Variants in CCND3 observed in about 807,000 individuals in gnomAD.
CCND3 encodes cyclin D3, also known as G1/S-specific cyclin-D3.
A neutral mutation model predicts 28.7 loss-of-function variants in CCND3; 9 were observed. The observed-to-expected ratio is 0.31, with a 90% CI of 0.19 to 0.55. CCND3 has a LOEUF of 0.55. CCND3 is among the 20% of genes least tolerant of loss of function. CCND3 has a pLI of 0.93. For missense variants in CCND3, 315 were observed against 385.8 expected, an observed-to-expected ratio of 0.82 and a Z score of 1.54; for synonymous variants, 164 against 163.9, an observed-to-expected ratio of 1.00 and a Z score of 0.00.
chr6:41,980,010 T>TCACACACACACA (rs58375638), intron 1 of CCND3, among the ~76,000 whole-genome samples: 2,620 of 137,180 alleles, frequency 0.019, 82 homozygotes, highest in African/African-American at 0.059. Context: ...GCTTTCAAAA[T>TCACACACACACA]CACACACACA....
intron 1 of CCND3, among the ~76,000 whole-genome samples, chr6:41,994,711 C>G (rs4714535): frequency 0.98 from 149,226 of 152,264 alleles, 73,187 homozygotes; most frequent in East Asian, 1. Context: ...GCATGTATGG[C>G]GTAGGAATTA....
chr6:41,956,089 C>T (rs1475716090), intron 1 of CCND3, among the ~76,000 whole-genome samples: 1 of 151,960 alleles, frequency 6.6e-6, no homozygotes, highest in East Asian at 1.9e-4. Context: ...GTCAGGAGTT[C>T]AAGACCAGCC....
At chr6:41,993,668 C>CA (rs1163116404) in intron 1 of CCND3, among the ~76,000 whole-genome samples, 3 of 149,634 alleles carry the variant, frequency 2.0e-5, no homozygotes, top group Non-Finnish European at 3.0e-5. Context: ...CCTCGGCCTC[C>CA]AAAAAAAAAG....
chr6:41,996,123 AAT>A (rs200911314), intron 1 of CCND3, among the ~76,000 whole-genome samples: 1 of 97,006 alleles, frequency 1.0e-5, no homozygotes, highest in African/African-American at 4.9e-5. Context: ...ATATATATAT[AAT>A]ATATATATAT....
chr6:41,990,660 ATTTTTTTTTTTTTTTT>A (rs67939325), intron 1 of CCND3, among the ~76,000 whole-genome samples: 8 of 121,276 alleles, frequency 6.6e-5, no homozygotes, highest in African/African-American at 1.6e-4. Flanking sequence ...TAACCAACTG[ATTTTTTTTTTTTTTTT>A]TTTTTTTTTT....
chr6:42,021,794 A>G lies in CCND3; in HGVS notation c.-46+26707T>C, dbSNP rs116855627. Among the ~76,000 whole-genome samples, 41 of 152,302 alleles carry G rather than the reference A, an allele frequency of 2.7e-4. No individual in the cohort carries two copies. In the East Asian group the frequency reaches 7.5e-3, roughly 28 times the overall value. On this transcript the variant is annotated intron_variant, in intron 1 of 4. Transcript: ENST00000372988. ...AGGGTTATAAAGATTCACTGTGGGT[A>G]AAGGCCTGGAAAGGTGAGTTGAGCC...
intron 1 of CCND3, among the ~76,000 whole-genome samples, chr6:42,041,193 A>C (rs1183763775): frequency 6.6e-6 from 1 of 152,164 alleles, no homozygotes; most frequent in Non-Finnish European, 1.5e-5. Context: ...GGGGGAGGAA[A>C]AACTTTCTGA....
At chr6:42,006,130 G>A (rs1763168736) in intron 1 of CCND3, among the ~76,000 whole-genome samples, 1 of 151,636 alleles carries the variant, frequency 6.6e-6, no homozygotes, top group Non-Finnish European at 1.5e-5. Flanking sequence ...TTGCACCGTG[G>A]CACTACAGCC....
chr6:41,998,968 C>T (rs1371327828), intron 1 of CCND3, among the ~76,000 whole-genome samples: 2 of 152,120 alleles, frequency 1.3e-5, no homozygotes, highest in Admixed American at 6.6e-5. Context: ...TGTGAGCCAC[C>T]CCGCCTGGCT....
chr6:42,024,636 G>A, intron 1 of CCND3, among the ~76,000 whole-genome samples: 1 of 152,090 alleles, frequency 6.6e-6, no homozygotes, highest in East Asian at 1.9e-4. Context: ...GTCCAGGCAA[G>A]CAGGGCAGGC....
At chr6:41,946,062 G>A (rs1448785041), upstream of CCND3, among the ~76,000 whole-genome samples, 4 of 151,992 alleles carry the variant, frequency 2.6e-5, no homozygotes, top group African/African-American at 7.2e-5. Flanking sequence ...GTATGGAGAG[G>A]ACCCTCCAGG....
At chr6:41,952,863 T>C (rs1776347640) in intron 1 of CCND3, among the ~76,000 whole-genome samples, 1 of 152,182 alleles carries the variant, frequency 6.6e-6, no homozygotes, top group Non-Finnish European at 1.5e-5. Flanking sequence ...TCAAGTTTCT[T>C]CTTAATGAAT....
intron 1 of CCND3, among the ~76,000 whole-genome samples, chr6:41,993,689 G>GC (rs1762719335): frequency 6.6e-6 from 1 of 151,636 alleles, no homozygotes; most frequent in Non-Finnish European, 1.5e-5. Context: ...CTGGCTGGGT[G>GC]CAGTGGTTCA....
intron 1 of CCND3, among the ~76,000 whole-genome samples, chr6:41,965,320 G>A (rs528185654): frequency 1.3e-5 from 2 of 151,922 alleles, no homozygotes; most frequent in Non-Finnish European, 2.9e-5. Flanking sequence ...CGCCTGCCCC[G>A]GCCTCCCAAA....
At position 42,003,525 on chromosome 6, in the gene CCND3, C is replaced by CAAAAAAA. The variant is rs61494473; in HGVS notation, c.-46+44969_-46+44975dup. Among the ~76,000 whole-genome samples the CAAAAAAA allele has an allele frequency of 4.1e-5, 3 of 73,504 alleles. 1 individual carries two copies. Among genetic ancestry groups the CAAAAAAA allele is most frequent in the African/African-American group, 2.4e-4 (3 of 12,410 alleles). The allele number at this position is 73,504 out of a possible 152,430, so 48.2% of individuals were successfully genotyped here. A position where few individuals can be genotyped will look rare whatever the true frequency, so the allele number is the denominator to read the frequency against. Reference sequence around the variant, plus strand: ...GGGCAACCAGAGTGAGACTCTGTCTCAAAAAAAAAAAAAAAAAAAAAAAAA... The same window carrying CAAAAAAA: ...GGGCAACCAGAGTGAGACTCTGTCTCAAAAAAAAAAAAAAAAAAAAAAAAAAAAAAAA... On this transcript the variant is annotated intron_variant, in intron 1 of 4. Coordinates refer to the CCND3 transcript ENST00000372988.
chr6:41,943,148 C>T (rs1358486118), upstream of CCND3, among the ~76,000 whole-genome samples: 1 of 151,784 alleles, frequency 6.6e-6, no homozygotes, highest in Non-Finnish European at 1.5e-5. Flanking sequence ...AGGCGTGAGC[C>T]ACCGTTCCCG....
At chr6:42,027,970 C>T (rs539137345) in intron 1 of CCND3, among the ~76,000 whole-genome samples, 2 of 152,308 alleles carry the variant, frequency 1.3e-5, no homozygotes, top group Admixed American at 6.5e-5. Context: ...TGGTCTCAAA[C>T]TCCCGACCTC....
Position 41,969,210 on chromosome 6 carries a change from C to T in CCND3, c.-45-28625G>A, listed in dbSNP as rs1582117538. Among the ~76,000 whole-genome samples the T allele has an allele frequency of 2.0e-5, 3 of 152,168 alleles. No homozygotes were observed. The South Asian group carries it at 6.2e-4, about 32-fold the overall frequency. On this transcript the variant is annotated intron_variant, in intron 1 of 4. Coordinates refer to the CCND3 transcript ENST00000372988. ...TTGGGAGGCTGAGGTGAGTGGATCA[C>T]GAGGTCAAGAGATCAAGACTGGGCC... is the stretch of plus-strand genomic sequence containing the variant.
At chr6:41,994,270 T>C (rs1762734092) in intron 1 of CCND3, among the ~76,000 whole-genome samples, 1 of 151,934 alleles carries the variant, frequency 6.6e-6, no homozygotes, top group South Asian at 2.1e-4. Flanking sequence ...TCCCATATAG[T>C]CTAGGGGTGT....
Sources: gnomAD v4.1 joint callset for allele counts (sites outside exome capture counted in the v4.1 genomes callset) on GRCh38, gnomAD v4.1.1 for gene constraint, MANE v1.5 for transcripts, NCBI Gene and HGNC (gene_info 2026-07-23, HGNC 2026-07-21) for gene names.